The following IP6K3 variants were observed in gnomAD, a reference collection of about 807,000 sequenced individuals.
The protein encoded by IP6K3 is ATP:1D-myo-inositol-hexakisphosphate phosphotransferase.
IP6K3 carries 20 observed loss-of-function variants against 28.8 expected under a neutral mutation model. That is an observed-to-expected ratio of 0.70 (90% CI 0.49 to 1.01). IP6K3 has a LOEUF of 1.01. Ranked by LOEUF, IP6K3 falls within the 50% of genes least tolerant of loss-of-function variation. The pLI, the probability that IP6K3 is intolerant of heterozygous loss-of-function variation, is 0.00. For synonymous variants in IP6K3, 213 were observed against 221.3 expected, an observed-to-expected ratio of 0.96 and a Z score of 0.33; for missense variants, 480 against 537.1, an observed-to-expected ratio of 0.89 and a Z score of 1.05.
At chr6:33,738,255 T>C (rs997393143) in intron 1 of IP6K3, among the ~76,000 whole-genome samples, 4 of 152,056 alleles carry the variant, frequency 2.6e-5, no homozygotes, top group African/African-American at 9.7e-5. Flanking sequence ...CGCACACTTG[T>C]ATCCCCAGGG....
Position 33,726,833 on chromosome 6 carries a change from C to A in IP6K3, c.487G>T (p.Gly163Ter). ...PAFSLVEDTNGNQVERKSFNP... is the reference protein window; with the variant it reads ...PAFSLVEDTN ...AAGCTCTTCCTCTCAACCTGGTTTC[C>A]GTTGGTGTCTTCCACCAGCGAGAAG... is the stretch of plus-strand genomic sequence containing the variant. Residue 163 changes from glycine to a stop codon, truncating the protein, a stop_gained, in exon 4 of 6, where the codon GGA (glycine) becomes TGA (stop). Transcript: ENST00000293756. LOFTEE classifies it high-confidence loss of function. 6.2e-7 allele frequency: 1 copy of A among 1,613,540 alleles called. No homozygotes were observed. Among genetic ancestry groups the A allele is most frequent in the Non-Finnish European group, 8.5e-7 (1 of 1,179,586 alleles).
chr6:33,739,828 C>T lies in IP6K3; in HGVS notation c.-179-4173G>A, dbSNP rs547024871. ...TCAGAAGTCCAGGGTCTACTCCAGGCGCTCCTGGAGCTTGCTGAGGCCTGA... is the reference window on the plus strand; with the variant it reads ...TCAGAAGTCCAGGGTCTACTCCAGGTGCTCCTGGAGCTTGCTGAGGCCTGA... On this transcript the variant is annotated intron_variant, in intron 1 of 5. Transcript: ENST00000293756. 5.3e-5 allele frequency among the ~76,000 whole-genome samples: 8 copies of T among 152,316 alleles called. No homozygotes were observed. In the East Asian group the frequency reaches 1.2e-3, roughly 22 times the overall value.
chr6:33,760,551 T>C, the IP6K3 span, among the ~76,000 whole-genome samples: 1 of 152,166 alleles, frequency 6.6e-6, no homozygotes, highest in Middle Eastern at 3.2e-3. Flanking sequence ...TTGTTTGAGA[T>C]GGAGTCTTGC....
the IP6K3 span, among the ~76,000 whole-genome samples, chr6:33,753,765 G>A: frequency 6.6e-6 from 1 of 151,496 alleles, no homozygotes. Context: ...CCAAAGTGCT[G>A]GGATTACAGG....
chr6:33,742,938 G>A lies in IP6K3; in HGVS notation c.-180+3820C>T, dbSNP rs1466018096. On this transcript the variant is annotated intron_variant, in intron 1 of 5. Coordinates refer to ENST00000293756, the MANE Select transcript of IP6K3 (RefSeq NM_054111.5). The surrounding 1 kb of genome is among the most constrained non-coding windows in gnomAD (Gnocchi z 4.5). ...GGAGGGCCTGCTTTGGGGAGTGTGT[G>A]TACAGGGAGCAATAGGGAAGGGCAA... Among the ~76,000 whole-genome samples, 1 of 152,124 alleles carries A rather than the reference G, an allele frequency of 6.6e-6. No homozygotes were observed. The highest frequency in any genetic ancestry group is 2.4e-5 in the African/African-American group (1 of 41,408).
intron 1 of IP6K3, among the ~76,000 whole-genome samples, chr6:33,736,846 A>G (rs951757088): frequency 1.3e-5 from 2 of 152,254 alleles, no homozygotes; most frequent in Non-Finnish European, 1.5e-5. Context: ...GTAGAACAGG[A>G]TAATAATGAT....
chr6:33,724,101 A>G (rs995981351), intron 5 of IP6K3, among the ~76,000 whole-genome samples: 4 of 152,248 alleles, frequency 2.6e-5, no homozygotes, highest in Admixed American at 6.5e-5. Context: ...TGATATGTTC[A>G]TAGAAAACCA....
At chr6:33,757,058 CCT>C in the IP6K3 span, among the ~76,000 whole-genome samples, 1 of 152,264 alleles carries the variant, frequency 6.6e-6, no homozygotes, top group Non-Finnish European at 1.5e-5. Flanking sequence ...TCAGCCTTCA[CCT>C]CTCACGTGGA....
At position 33,722,925 on chromosome 6, in the gene IP6K3, G is replaced by A. The variant is rs202088600; in HGVS notation, c.1028C>T (p.Pro343Leu). 15 of 1,614,026 alleles carry A rather than the reference G, an allele frequency of 9.3e-6. No homozygotes were observed. Among genetic ancestry groups the A allele is most frequent in the Non-Finnish European group, 1.3e-5 (15 of 1,180,004 alleles). Residue 343 changes from proline (P) to leucine (L), a missense_variant, in exon 6 of 6, where the codon CCG becomes CTG. Transcript: ENST00000293756. Reference sequence around the variant, plus strand: ...TGCCTGGGGAGCCTCGTGAGGATGCGGGCTGCCTGGGGCTCTTTCTGGTGG... The same window carrying A: ...TGCCTGGGGAGCCTCGTGAGGATGCAGGCTGCCTGGGGCTCTTTCTGGTGG... ...QEPPERAPGS[P>L]HPHEAPQAAH...
In IP6K3 at chr6:33,722,685, A is replaced by G. The variant is rs971488452; in HGVS notation, c.*35T>C. 13 of 1,445,190 alleles carry G rather than the reference A, an allele frequency of 9.0e-6. No individual in the cohort carries two copies. The highest frequency in any genetic ancestry group is 1.0e-5 in the Non-Finnish European group (11 of 1,047,666). The allele number at this position is 1,445,190 out of a possible 1,614,324, so 89.5% of individuals were successfully genotyped here. A position where few individuals can be genotyped will look rare whatever the true frequency, so the allele number is the denominator to read the frequency against. On this transcript the variant is annotated 3_prime_UTR_variant, in exon 6 of 6. Transcript: ENST00000293756. Reference sequence around the variant, plus strand: ...ACCAACAGGTCTCTATTTGAGATCTATAGCCCAGAAGAATCCAGATAAGCC... The same window carrying G: ...ACCAACAGGTCTCTATTTGAGATCTGTAGCCCAGAAGAATCCAGATAAGCC...
the IP6K3 span, among the ~76,000 whole-genome samples, chr6:33,756,164 TA>T: frequency 6.6e-6 from 1 of 152,178 alleles, no homozygotes; most frequent in East Asian, 1.9e-4. Context: ...ATGCCCAGCC[TA>T]AAATTTTTTT....
intron 1 of IP6K3, among the ~76,000 whole-genome samples, chr6:33,745,989 G>T (rs1766894265): frequency 6.6e-6 from 1 of 152,152 alleles, no homozygotes; most frequent in African/African-American, 2.4e-5. Context: ...AAATGTAGAA[G>T]GCAGAGTCCC....
upstream of IP6K3, among the ~76,000 whole-genome samples, chr6:33,750,298 G>T (rs10947435): frequency 6.6e-6 from 1 of 151,980 alleles, no homozygotes; most frequent in South Asian, 2.1e-4. This position sits in a 1 kb window ranked among gnomAD's most constrained non-coding sequence, Gnocchi z 4.3. Flanking sequence ...TTCAAGTCAC[G>T]TCACTTTGCT....
chr6:33,734,133 G>A (rs1027898348), intron 2 of IP6K3, among the ~76,000 whole-genome samples: 4 of 151,068 alleles, frequency 2.6e-5, no homozygotes, highest in Admixed American at 6.6e-5. Flanking sequence ...AACCTGGGAG[G>A]CGGAAGTTGC....
chr6:33,747,910 C>T (rs80346884), upstream of IP6K3, among the ~76,000 whole-genome samples: 1,617 of 151,748 alleles, frequency 0.011, 16 homozygotes, highest in Non-Finnish European at 0.017. This position sits in a 1 kb window ranked among gnomAD's most constrained non-coding sequence, Gnocchi z 5.2. Context: ...GGGAAGGAGA[C>T]GGCGAGTTCC....
chr6:33,753,436 C>T, the IP6K3 span, among the ~76,000 whole-genome samples: 4 of 152,098 alleles, frequency 2.6e-5, no homozygotes, highest in East Asian at 1.9e-4. Context: ...GTGCAGGCCT[C>T]CTAGGGGAGA....
At chr6:33,749,993 T>C (rs9469583), upstream of IP6K3, among the ~76,000 whole-genome samples, 80,733 of 151,882 alleles carry the variant, frequency 0.53, 22,793 homozygotes, top group East Asian at 0.91. Flanking sequence ...TACTATTTGG[T>C]GGGCAGGTCT....
chr6:33,759,828 G>C, the IP6K3 span, among the ~76,000 whole-genome samples: 241 of 151,708 alleles, frequency 1.6e-3, no homozygotes, highest in Middle Eastern at 0.017. Context: ...AGCCAAGATT[G>C]CGCCACTGAA....
intron 1 of IP6K3, among the ~76,000 whole-genome samples, chr6:33,736,149 G>A (rs1271870117): frequency 6.6e-6 from 1 of 152,198 alleles, no homozygotes; most frequent in Non-Finnish European, 1.5e-5. Context: ...ATAGGCGTGA[G>A]CCACTGTGCC....
Sources: allele counts gnomAD v4.1 joint callset (sites outside exome capture counted in the v4.1 genomes callset), GRCh38; gene constraint gnomAD v4.1.1; non-coding constraint Gnocchi (gnomAD v3.1); transcripts MANE v1.5; gene names NCBI Gene and HGNC (gene_info 2026-07-23, HGNC 2026-07-21).